Variants in VAMP7 observed in about 807,000 individuals in gnomAD.
VAMP7 encodes the protein vesicle associated membrane protein 7, also known as vesicle-associated membrane protein 7.
Under a neutral mutation model 29.6 loss-of-function variants are expected in VAMP7, and 14 were observed. The ratio of observed to expected loss-of-function variants is 0.47; its 90% confidence interval spans 0.31 to 0.74. The LOEUF (loss-of-function observed/expected upper bound fraction) is 0.74. VAMP7 is among the 30% of genes least tolerant of loss of function. VAMP7 has a pLI of 0.05. For synonymous variants in VAMP7, 95 were observed against 88.1 expected (o/e 1.08, Z -0.44); for missense variants, 223 against 262.4 (o/e 0.85, Z 1.04).
intron 6 of VAMP7, among the ~76,000 whole-genome samples, chrX:155,928,875 C>T (rs769923158): frequency 2.0e-5 from 3 of 152,116 alleles, no homozygotes; most frequent in Non-Finnish European, 4.4e-5. Context: ...CAGCTATGTT[C>T]GGATTTATTA....
intron 6 of VAMP7, among the ~76,000 whole-genome samples, chrX:155,925,823 C>T (rs1157569809): frequency 2.0e-5 from 3 of 152,138 alleles, no homozygotes; most frequent in Admixed American, 6.6e-5. Flanking sequence ...ATAAGCAGTT[C>T]CCAGCTTGAC....
chrX:155,909,493 T>C (rs1167115970), intron 5 of VAMP7, among the ~76,000 whole-genome samples: 1 of 152,206 alleles, frequency 6.6e-6, no homozygotes, highest in Non-Finnish European at 1.5e-5. Flanking sequence ...CACCCTAATA[T>C]TTATTTCCTT....
intron 6 of VAMP7, among the ~76,000 whole-genome samples, chrX:155,937,814 A>G (rs1486300509): frequency 6.6e-6 from 1 of 152,128 alleles, no homozygotes. Context: ...CAGGCACATA[A>G]TAAGCACATG....
At position 155,942,466 on chromosome X, in the gene VAMP7, C is replaced by T. The variant is rs2066760633; in HGVS notation, c.*515C>T. On this transcript the variant is annotated 3_prime_UTR_variant, in exon 8 of 8. Transcript: ENST00000286448. ...TGTTGGTGCTGCTTCCTTCTAAGAG[C>T]TCAGACAAGTAAAGTATGAAACATT... is the stretch of plus-strand genomic sequence containing the variant. 1 of 312,956 alleles carries T rather than the reference C, an allele frequency of 3.2e-6. No individual in the cohort carries two copies. Among genetic ancestry groups the T allele is most frequent in the South Asian group, 6.0e-5 (1 of 16,560 alleles). 19.4% of individuals were successfully genotyped at this position (312,956 alleles called of 1,614,324 possible).
chrX:155,897,685 T>G (rs1420787256), intron 3 of VAMP7, among the ~76,000 whole-genome samples: 1 of 152,108 alleles, frequency 6.6e-6, no homozygotes, highest in Non-Finnish European at 1.5e-5. Context: ...TTGAAAAAAT[T>G]CGATTTGAAG....
Position 155,943,520 on chromosome X carries a change from A to G in VAMP7, c.*1569A>G, listed in dbSNP as rs1164553845. Reference sequence around the variant, plus strand: ...GCATCAGTATTTCCTATTGGAAAATACATCTGTTCCAGAAAAACATTTGGC... The same window carrying G: ...GCATCAGTATTTCCTATTGGAAAATGCATCTGTTCCAGAAAAACATTTGGC... On this transcript the variant is annotated 3_prime_UTR_variant, in exon 8 of 8. Transcript: ENST00000286448. 6.6e-6 allele frequency: 1 copy of G among 152,512 alleles called. No homozygotes were observed. Among genetic ancestry groups the G allele is most frequent in the African/African-American group, 2.4e-5 (1 of 41,450 alleles). The allele number at this position is 152,512 out of a possible 1,614,324, so 9.4% of individuals were successfully genotyped here. A position where few individuals can be genotyped will look rare whatever the true frequency, so the allele number is the denominator to read the frequency against.
intron 5 of VAMP7, among the ~76,000 whole-genome samples, chrX:155,908,590 G>A (rs1027253881): frequency 1.5e-4 from 19 of 130,818 alleles, no homozygotes; most frequent in African/African-American, 2.8e-4. Flanking sequence ...GGGAGAGGGA[G>A]AGCCATTTTC....
chrX:155,930,270 T>G (rs983560622), intron 6 of VAMP7, among the ~76,000 whole-genome samples: 2 of 152,118 alleles, frequency 1.3e-5, no homozygotes, highest in African/African-American at 4.8e-5. Context: ...CTAAATCACA[T>G]AGTCATTTTT....
chrX:155,910,233 C>T (rs1222330138), intron 5 of VAMP7, among the ~76,000 whole-genome samples: 1 of 152,152 alleles, frequency 6.6e-6, no homozygotes, highest in African/African-American at 2.4e-5. Context: ...TGCCTTATAT[C>T]ACTTAACATA....
At chrX:155,889,769 G>T in intron 2 of VAMP7, 157 bp downstream of exon 2, 1 of 727,852 alleles carries the variant, frequency 1.4e-6, no homozygotes, top group Middle Eastern at 4.4e-4. Context: ...ATCTGGTTTT[G>T]TTACTTATAA....
Position 155,917,190 on chromosome X carries a change from G to A in VAMP7, c.434-2623G>A, listed in dbSNP as rs147548440. Among the ~76,000 whole-genome samples the A allele has an allele frequency of 7.0e-3, 1,067 of 152,202 alleles. 4 individuals are homozygous for A. Among genetic ancestry groups the A allele is most frequent in the Middle Eastern group, 0.014 (4 of 294 alleles). On this transcript the variant is annotated intron_variant, in intron 5 of 7. Transcript: ENST00000286448. ...GTATGCTTCACAAAGTTCTCGTGCC[G>A]TGTTTTTCAGTCCCATCAGGTCATT...
chrX:155,942,188 G>C lies in VAMP7; in HGVS notation c.*237G>C. ...CAGCAGTAGCCTTAAAAAGGCTTTT[G>C]TTTATTTCTTTGGTTTGTTAACTAG... On this transcript the variant is annotated 3_prime_UTR_variant, in exon 8 of 8. Transcript: ENST00000286448. 1.3e-6 allele frequency: 2 copies of C among 1,531,096 alleles called. No individual in the cohort carries two copies. The highest frequency in any genetic ancestry group is 1.8e-6 in the Non-Finnish European group (2 of 1,138,190). 94.8% of individuals were successfully genotyped at this position (1,531,096 alleles called of 1,614,324 possible).
At chrX:155,885,308 A>G (rs1192718393) in intron 1 of VAMP7, among the ~76,000 whole-genome samples, 1 of 152,174 alleles carries the variant, frequency 6.6e-6, no homozygotes, top group Non-Finnish European at 1.5e-5. Flanking sequence ...ATGAGCAAGG[A>G]AAACGAAGGG....
intron 5 of VAMP7, among the ~76,000 whole-genome samples, chrX:155,909,460 T>C (rs2066202404): frequency 6.6e-6 from 1 of 152,150 alleles, no homozygotes; most frequent in African/African-American, 2.4e-5. Flanking sequence ...TCTATAGTTT[T>C]TCTGTTCTCT....
chrX:155,898,052 A>G (rs2086451966), intron 3 of VAMP7, 60 bp from the exon 4 acceptor site: 1 of 1,577,826 alleles, frequency 6.3e-7, no homozygotes, highest in Admixed American at 1.8e-5. Context: ...GTTGTTCTTA[A>G]TCACTCACAT....
intron 6 of VAMP7, among the ~76,000 whole-genome samples, chrX:155,929,979 T>G (rs1047774220): frequency 2.6e-5 from 4 of 152,150 alleles, no homozygotes; most frequent in Admixed American, 6.5e-5. Context: ...TACAGGCAAA[T>G]TATACATAGT....
intron 6 of VAMP7, among the ~76,000 whole-genome samples, chrX:155,936,730 C>T (rs1373021257): frequency 3.9e-5 from 6 of 152,120 alleles, no homozygotes; most frequent in Admixed American, 6.5e-5. Flanking sequence ...GAGATGAAGC[C>T]GGTATCTCAG....
chrX:155,913,777 C>A (rs1375682362), intron 5 of VAMP7, among the ~76,000 whole-genome samples: 1 of 152,020 alleles, frequency 6.6e-6, no homozygotes, highest in Non-Finnish European at 1.5e-5. Context: ...TTACTGTAGC[C>A]TTGTAGTATA....
At chrX:155,898,481 G>A (rs936370815) in intron 4 of VAMP7, among the ~76,000 whole-genome samples, 1 of 151,918 alleles carries the variant, frequency 6.6e-6, no homozygotes, top group Non-Finnish European at 1.5e-5. Context: ...TCTCATGATT[G>A]GAAGAGCATT....
Sources: allele counts gnomAD v4.1 joint callset (sites outside exome capture counted in the v4.1 genomes callset), GRCh38; gene constraint gnomAD v4.1.1; transcripts MANE v1.5; gene names NCBI Gene and HGNC (gene_info 2026-07-23, HGNC 2026-07-21).